The following FARP2 variants were observed in gnomAD, a reference collection of about 807,000 sequenced individuals.
The protein encoded by FARP2 is FERM, ARHGEF and pleckstrin domain-containing protein 2.
FARP2 carries 111 observed loss-of-function variants against 130.5 expected under a neutral mutation model. That is an observed-to-expected ratio of 0.85 (90% CI 0.73 to 1.00). FARP2 has a LOEUF of 1.00. Ranked by LOEUF, FARP2 falls within the 50% of genes least tolerant of loss-of-function variation. The probability of loss-of-function intolerance (pLI) is 0.00; values close to 1 mark genes in which losing one functional copy is unlikely to be tolerated. For synonymous variants in FARP2, 504 were observed against 516.9 expected, an observed-to-expected ratio of 0.98 and a Z score of 0.34; for missense variants, 1,385 against 1,346.3, an observed-to-expected ratio of 1.03 and a Z score of -0.45.
At chr2:241,468,630 A>G (rs2150487469) in intron 18 of FARP2, among the ~76,000 whole-genome samples, 1 of 152,320 alleles carries the variant, frequency 6.6e-6, no homozygotes, top group African/African-American at 2.4e-5. Flanking sequence ...GGCCCTGCCC[A>G]TCTCCACGTC....
chr2:241,434,394 C>A, intron 10 of FARP2, 73 bp downstream of exon 10: 2 of 1,127,272 alleles, frequency 1.8e-6, no homozygotes, highest in South Asian at 1.9e-5. Flanking sequence ...AATTCCTAGT[C>A]AAGAAAGAAG....
intron 7 of FARP2, among the ~76,000 whole-genome samples, chr2:241,416,556 A>G (rs1032806304): frequency 5.3e-5 from 8 of 152,202 alleles, no homozygotes; most frequent in Non-Finnish European, 1.0e-4. Flanking sequence ...TCCACTGAAA[A>G]CACCTTTATA....
chr2:241,492,143 T>TCC (rs766659118), intron 24 of FARP2, among the ~76,000 whole-genome samples: 24 of 152,186 alleles, frequency 1.6e-4, no homozygotes, highest in Non-Finnish European at 2.5e-4. Context: ...CCCACACCCT[T>TCC]CCCCAAGCCT....
intron 8 of FARP2, among the ~76,000 whole-genome samples, chr2:241,427,813 G>A (rs2062983874): frequency 1.3e-5 from 2 of 152,014 alleles, no homozygotes; most frequent in Admixed American, 1.3e-4. Flanking sequence ...TCGCCCAGGT[G>A]GGAGTACAGT....
chr2:241,492,587 T>TAAAG (rs1302563671), intron 24 of FARP2: 1 of 197,034 alleles, frequency 5.1e-6, no homozygotes, highest in Non-Finnish European at 1.0e-5. Flanking sequence ...CCCATCATTT[T>TAAAG]AAAGAACCTT....
intron 2 of FARP2, among the ~76,000 whole-genome samples, chr2:241,397,291 A>C (rs1161922591): frequency 6.6e-6 from 1 of 152,152 alleles, no homozygotes; most frequent in Non-Finnish European, 1.5e-5. Flanking sequence ...ATATGTAACT[A>C]ACCTGCACAT....
intron 1 of FARP2, among the ~76,000 whole-genome samples, chr2:241,367,684 T>C (rs920823626): frequency 1.2e-4 from 18 of 152,134 alleles, no homozygotes; most frequent in Non-Finnish European, 1.2e-4. Context: ...AAAAATATTT[T>C]AGGAAAGGTG....
intron 10 of FARP2, among the ~76,000 whole-genome samples, chr2:241,434,668 A>G (rs1162008627): frequency 6.6e-6 from 1 of 152,176 alleles, no homozygotes; most frequent in African/African-American, 2.4e-5. Context: ...CCTGGCCAAC[A>G]TGGTGAAACC....
intron 24 of FARP2, among the ~76,000 whole-genome samples, chr2:241,492,377 G>C (rs937400132): frequency 6.6e-6 from 1 of 152,124 alleles, no homozygotes; most frequent in Non-Finnish European, 1.5e-5. Context: ...ATCTAAGCAG[G>C]GTCCTAGCTA....
rs929255602 is a variant in FARP2, at chr2:241,492,086, G to A, written c.2787+407G>A. Among the ~76,000 whole-genome samples the A allele has an allele frequency of 2.0e-5, 3 of 152,322 alleles. No individual in the cohort carries two copies. The East Asian group carries it at 5.8e-4, about 29-fold the overall frequency. ...GGTTGTCAGCTCTATCTCACTGCAT[G>A]GGCCCGGTCTGCCATTGTGGGTCAC... On this transcript the variant is annotated intron_variant, in intron 24 of 26. Coordinates refer to ENST00000264042, the MANE Select transcript of FARP2 (RefSeq NM_014808.4).
chr2:241,402,880 ATTTTTTTT>A (rs1194888946), intron 2 of FARP2, among the ~76,000 whole-genome samples: 4 of 9,730 alleles, frequency 4.1e-4, no homozygotes, highest in East Asian at 3.9e-3. Context: ...ATATATATAT[ATTTTTTTT>A]TTTTTTTTTT....
chr2:241,479,234 C>T (rs1438724670), intron 19 of FARP2, among the ~76,000 whole-genome samples: 1 of 152,162 alleles, frequency 6.6e-6, no homozygotes, highest in Non-Finnish European at 1.5e-5. Flanking sequence ...TTGAGGGGGG[C>T]CAGAGACTGA....
At chr2:241,394,567 A>G (rs929580257) in intron 2 of FARP2, among the ~76,000 whole-genome samples, 2 of 152,078 alleles carry the variant, frequency 1.3e-5, no homozygotes, top group African/African-American at 2.4e-5. Context: ...CACTGAAAAT[A>G]GAACTGATTA....
intron 4 of FARP2, among the ~76,000 whole-genome samples, chr2:241,406,551 G>A (rs1038938794): frequency 2.0e-5 from 3 of 151,384 alleles, no homozygotes; most frequent in African/African-American, 2.4e-5. Flanking sequence ...GGCTCCACCA[G>A]TCCTCCCACC....
At chr2:241,360,509 C>T (rs2061162585) in intron 1 of FARP2, among the ~76,000 whole-genome samples, 1 of 151,802 alleles carries the variant, frequency 6.6e-6, no homozygotes, top group Non-Finnish European at 1.5e-5. Context: ...CCCGTCTCTA[C>T]TAAAAATACA....
At chr2:241,448,903 C>T (rs1283349063) in intron 13 of FARP2, among the ~76,000 whole-genome samples, 1 of 152,240 alleles carries the variant, frequency 6.6e-6, no homozygotes, top group African/African-American at 2.4e-5. Flanking sequence ...TGCATCACAC[C>T]TTCACGTCCT....
chr2:241,365,226 A>G (rs2061277501), intron 1 of FARP2, among the ~76,000 whole-genome samples: 1 of 152,234 alleles, frequency 6.6e-6, no homozygotes, highest in Non-Finnish European at 1.5e-5. Flanking sequence ...ATCAAAGCCC[A>G]TGTATACAGC....
rs777654148 is a variant in FARP2 at position 241,493,333 on chromosome 2, G to A, written c.2936G>A (p.Ser979Asn). ...PLASLPLLGY[S>N]VSIPREADGI... ...GCCAGCCTCCCGCTGCTGGGCTACA[G>A]CGTGAGCATCCCCAGGGAGGCCGAT... The change falls in exon 26 of 27, where the codon AGC becomes AAC. Residue 979 changes from serine (S) to asparagine (N), a missense_variant. Coordinates refer to ENST00000264042, the MANE Select transcript of FARP2 (RefSeq NM_014808.4). 33 of 1,613,918 alleles carry A rather than the reference G, an allele frequency of 2.0e-5. No homozygotes were observed. The highest frequency in any genetic ancestry group is 2.6e-5 in the Non-Finnish European group (31 of 1,180,034).
intron 1 of FARP2, among the ~76,000 whole-genome samples, chr2:241,358,525 A>G (rs149371808): frequency 3.4e-4 from 52 of 152,306 alleles, no homozygotes; most frequent in African/African-American, 1.2e-3. Context: ...AGTCACATCA[A>G]TACCTCTTCT....
Sources: gnomAD v4.1 joint callset for allele counts (sites outside exome capture counted in the v4.1 genomes callset) on GRCh38, gnomAD v4.1.1 for gene constraint, MANE v1.5 for transcripts, NCBI Gene and HGNC (gene_info 2026-07-23, HGNC 2026-07-21) for gene names.